The following BCAR3 variants were observed in gnomAD, a reference collection of about 807,000 sequenced individuals.
BCAR3 encodes breast cancer anti-estrogen resistance protein 3.
In BCAR3, 37 loss-of-function variants were observed where a neutral mutation model predicts 80.1. That is an observed-to-expected ratio of 0.46 (90% CI 0.36 to 0.61). BCAR3 has a LOEUF of 0.61. Among genes scored for constraint, BCAR3 ranks in the 20% least tolerant of loss-of-function variants. The probability of loss-of-function intolerance (pLI) is 0.00; values close to 1 mark genes in which losing one functional copy is unlikely to be tolerated. For synonymous variants in BCAR3, 389 were observed against 418.9 expected, an observed-to-expected ratio of 0.93 and a Z score of 0.87; for missense variants, 978 against 1,068.2, an observed-to-expected ratio of 0.92 and a Z score of 1.18.
At chr1:93,699,922 C>G (rs1649576510) in intron 3 of BCAR3, among the ~76,000 whole-genome samples, 1 of 152,134 alleles carries the variant, frequency 6.6e-6, no homozygotes, top group African/African-American at 2.4e-5. Context: ...ACTTGGACAG[C>G]CTGGCTCCCA....
Position 93,582,824 on chromosome 1 carries a change from G to T in BCAR3, c.1163C>A (p.Ala388Asp). The part of the protein sequence containing the change: ...VVRRVSSDAR[A>D]GEALRGSDSQ... ...GTCTGATCCCCTCAGCGCCTCCCCA[G>T]CCCTGGCGTCTGAGGAGACCCTCCG... Residue 388 changes from alanine (A) to aspartate (D), a missense_variant, in exon 7 of 12, where the codon GCT becomes GAT. Transcript: ENST00000260502. 6.2e-7 allele frequency: 1 copy of T among 1,613,894 alleles called. No homozygotes were observed. Among genetic ancestry groups the T allele is most frequent in the Non-Finnish European group, 8.5e-7 (1 of 1,180,006 alleles).
chr1:93,746,846 CCTAA>C (rs1368076680), intron 2 of BCAR3, among the ~76,000 whole-genome samples: 4 of 152,174 alleles, frequency 2.6e-5, no homozygotes, highest in African/African-American at 9.7e-5. Flanking sequence ...CTGGCTACCT[CCTAA>C]CTGTCAAATC....
chr1:93,618,211 AACAATGCCTGCGCCC>A (rs1392741005), intron 3 of BCAR3, among the ~76,000 whole-genome samples: 1 of 152,258 alleles, frequency 6.6e-6, no homozygotes, highest in Non-Finnish European at 1.5e-5. Context: ...GAGGGCAGGC[AACAATGCCTGCGCCC>A]TCTGGCCCCC....
At chr1:93,844,315 A>G (rs187946473) in intron 2 of BCAR3, among the ~76,000 whole-genome samples, 1 of 152,216 alleles carries the variant, frequency 6.6e-6, no homozygotes, top group East Asian at 1.9e-4. Context: ...TCAAAATAAA[A>G]ATAAAAATAA....
chr1:93,686,683 G>C (rs1281688189), upstream of BCAR3, among the ~76,000 whole-genome samples: 1 of 152,172 alleles, frequency 6.6e-6, no homozygotes, highest in Non-Finnish European at 1.5e-5. Flanking sequence ...AATTATCAAA[G>C]GTCTTCAGTC....
At chr1:93,585,481 T>G (rs930934574) in intron 5 of BCAR3, among the ~76,000 whole-genome samples, 4 of 152,128 alleles carry the variant, frequency 2.6e-5, no homozygotes, top group African/African-American at 7.2e-5. Flanking sequence ...TCTTAAAAAG[T>G]TTTTAAACCA....
chr1:93,576,046 G>A lies in BCAR3; in HGVS notation c.1770C>T (p.His590=), dbSNP rs1440986180. ...SSGLELITLP[H]GHQLRLDIIE... ...TTATGTCCAGGCGCAGCTGGTGTCC[G>A]TGAGGCAAGGTAATGAGTTCCAGGC... Residue 590 remains histidine, a synonymous_variant, in exon 8 of 12, where the codon CAC becomes CAT. Transcript: ENST00000260502. The A allele has an allele frequency of 6.2e-6, 10 of 1,614,024 alleles. No homozygotes were observed. Among genetic ancestry groups the A allele is most frequent in the Non-Finnish European group, 7.6e-6 (9 of 1,180,028 alleles).
At chr1:93,821,133 C>T (rs963824301) in intron 2 of BCAR3, among the ~76,000 whole-genome samples, 1 of 152,148 alleles carries the variant, frequency 6.6e-6, no homozygotes, top group Non-Finnish European at 1.5e-5. Context: ...GAGCCTTACT[C>T]GACCTTCAAA....
At chr1:93,578,687 C>T (rs1673567520) in intron 7 of BCAR3, among the ~76,000 whole-genome samples, 2 of 152,178 alleles carry the variant, frequency 1.3e-5, no homozygotes, top group South Asian at 2.1e-4. Flanking sequence ...GCGTTTCCCA[C>T]CTGGGTTGTG....
Position 93,633,979 on chromosome 1 carries a change from C to T in BCAR3, c.357+8325G>A, listed in dbSNP as rs2101901120. On this transcript the variant is annotated intron_variant, in intron 3 of 11. Coordinates refer to ENST00000260502, the MANE Select transcript of BCAR3 (RefSeq NM_003567.4). ...GGTATAATTTGCATTCAGCAAAAGT[C>T]ACCCTTTTCAGTACAATTCCATGAG... Among the ~76,000 whole-genome samples the T allele has an allele frequency of 2.0e-5, 3 of 152,328 alleles. 1 individual carries two copies. The highest frequency in any genetic ancestry group is 6.8e-3 in the Middle Eastern group (2 of 294).
chr1:93,709,642 A>G, intron 2 of BCAR3, among the ~76,000 whole-genome samples: 1 of 152,254 alleles, frequency 6.6e-6, no homozygotes, highest in East Asian at 1.9e-4. Context: ...TCCTTGGAAC[A>G]GCAAGAAGGA....
chr1:93,729,107 G>A (rs1250160611), intron 2 of BCAR3, among the ~76,000 whole-genome samples: 1 of 152,166 alleles, frequency 6.6e-6, no homozygotes, highest in East Asian at 1.9e-4. Context: ...AATACATTCT[G>A]AGGCAGAGAT....
At chr1:93,567,571 T>C (rs1369808361) in intron 10 of BCAR3, 80 bp from the exon 11 acceptor site, 4 of 1,516,934 alleles carry the variant, frequency 2.6e-6, no homozygotes. Context: ...ATAGCCCTTG[T>C]CTTGTTACAG....
rs116266037 is a variant in BCAR3, at chr1:93,647,647, G to T, written c.318-5304C>A. 4.6e-3 allele frequency among the ~76,000 whole-genome samples: 696 copies of T among 152,274 alleles called. 11 individuals carry two copies. The East Asian group carries it at 0.062, about 14-fold the overall frequency. ...CTGCTTCCAAAGAGACCCTCACTTT[G>T]CTGCTCTTGGTTATGACTTAGTAAC... On this transcript the variant is annotated intron_variant, in intron 2 of 11. Coordinates refer to ENST00000260502, the MANE Select transcript of BCAR3 (RefSeq NM_003567.4).
chr1:93,759,755 T>C (rs1651871624), intron 2 of BCAR3, among the ~76,000 whole-genome samples: 1 of 152,152 alleles, frequency 6.6e-6, no homozygotes. Flanking sequence ...CCTGATGAGC[T>C]GCCATGAGCA....
chr1:93,808,705 G>C (rs1046731468), intron 2 of BCAR3, among the ~76,000 whole-genome samples: 1 of 151,776 alleles, frequency 6.6e-6, no homozygotes, highest in Non-Finnish European at 1.5e-5. Context: ...AACAGAAGTA[G>C]AATCAGTTAA....
chr1:93,750,277 G>A (rs1347026431), intron 2 of BCAR3, among the ~76,000 whole-genome samples: 1 of 152,194 alleles, frequency 6.6e-6, no homozygotes, highest in Non-Finnish European at 1.5e-5. Context: ...AGGGCATCTT[G>A]TATAAACTCT....
At chr1:93,644,387 C>G (rs902728812) in intron 2 of BCAR3, among the ~76,000 whole-genome samples, 2 of 152,210 alleles carry the variant, frequency 1.3e-5, no homozygotes, top group Non-Finnish European at 2.9e-5. Context: ...AGTCTTTAGA[C>G]AAACTCAACC....
intron 3 of BCAR3, chr1:93,600,526 G>C (rs1674589893): frequency 6.6e-6 from 1 of 152,240 alleles, no homozygotes; most frequent in Non-Finnish European, 1.5e-5. Context: ...GCCAAGGCCT[G>C]AGGAAATATT....
Sources: allele counts gnomAD v4.1 joint callset (sites outside exome capture counted in the v4.1 genomes callset), GRCh38; gene constraint gnomAD v4.1.1; transcripts MANE v1.5; gene names NCBI Gene and HGNC (gene_info 2026-07-23, HGNC 2026-07-21).